TENM3: variants seen among roughly 807,000 people sequenced by gnomAD.
The protein encoded by TENM3 is teneurin-3.
TENM3 carries 63 observed loss-of-function variants against 255.1 expected under a neutral mutation model. The ratio of observed to expected loss-of-function variants is 0.25; its 90% CI spans 0.20 to 0.30. TENM3 has a LOEUF of 0.30. Among genes scored for constraint, TENM3 ranks in the 10% least tolerant of loss-of-function variants. The probability of loss-of-function intolerance (pLI) is 1.00; values close to 1 mark genes in which losing one functional copy is unlikely to be tolerated. For missense variants in TENM3, 2,929 were observed against 3,461.1 expected (o/e 0.85, Z 3.86); for synonymous variants, 1,306 against 1,322.3 (o/e 0.99, Z 0.27).
At chr4:182,763,353 C>T (rs2152771396) in intron 22 of TENM3, among the ~76,000 whole-genome samples, 2 of 152,236 alleles carry the variant, frequency 1.3e-5, no homozygotes, top group South Asian at 4.1e-4. Context: ...ATCACGACGT[C>T]AGGAGATCGA....
At chr4:181,756,966 G>A in the TENM3 span, among the ~76,000 whole-genome samples, 1 of 152,076 alleles carries the variant, frequency 6.6e-6, no homozygotes, top group African/African-American at 2.4e-5. Context: ...ATTTTGTGTT[G>A]GTGGCGATCA....
chr4:181,606,103 AT>A, the TENM3 span, among the ~76,000 whole-genome samples: 1 of 152,086 alleles, frequency 6.6e-6, no homozygotes, highest in Admixed American at 6.5e-5. Context: ...CTACCCTCAG[AT>A]TACATCCTAT....
chr4:182,241,718 A>C (rs1469955218), upstream of TENM3, among the ~76,000 whole-genome samples: 1 of 151,750 alleles, frequency 6.6e-6, no homozygotes, highest in Non-Finnish European at 1.5e-5. Context: ...CATGTTGGTC[A>C]GGCTGGTCTT....
chr4:182,009,360 GCCACC>G, the TENM3 span, among the ~76,000 whole-genome samples: 2 of 152,104 alleles, frequency 1.3e-5, no homozygotes, highest in Admixed American at 1.3e-4. Context: ...AGAGACTGCT[GCCACC>G]CCTCCCCCTA....
chr4:181,675,340 T>C, the TENM3 span, among the ~76,000 whole-genome samples: 1 of 152,154 alleles, frequency 6.6e-6, no homozygotes, highest in Admixed American at 6.6e-5. Context: ...TTCTAGGTAG[T>C]AATAAATATG....
chr4:182,463,472 C>CTT (rs920859225), intron 3 of TENM3, among the ~76,000 whole-genome samples: 3 of 145,506 alleles, frequency 2.1e-5, no homozygotes, highest in Non-Finnish European at 1.5e-5. Context: ...TGTAGTATCA[C>CTT]TTTTTTTTTT....
chr4:181,913,247 T>A, the TENM3 span, among the ~76,000 whole-genome samples: 1 of 152,124 alleles, frequency 6.6e-6, no homozygotes, highest in African/African-American at 2.4e-5. Context: ...CTGAATGATT[T>A]GAGATATAAA....
Position 182,608,521 on chromosome 4 carries a change from G to C in TENM3, c.749+7360G>C, listed in dbSNP as rs149421438. On this transcript the variant is annotated intron_variant, in intron 4 of 27. Transcript: ENST00000511685. The stretch of plus-strand genomic sequence containing the variant: ...CAAGGTGAAAAGTTACAGGTGTCAG[G>C]AGAGCTCACGTGCGCTGGGACAGTG... 3.7e-3 allele frequency among the ~76,000 whole-genome samples: 565 copies of C among 152,326 alleles called. 4 individuals carry two copies. Among genetic ancestry groups the C allele is most frequent in the African/African-American group, 0.013 (529 of 41,572 alleles).
the TENM3 span, among the ~76,000 whole-genome samples, chr4:181,733,893 C>T: frequency 1.3e-5 from 2 of 152,164 alleles, no homozygotes; most frequent in East Asian, 3.9e-4. Flanking sequence ...CCATTAAACA[C>T]TAATATGCTG....
intron 9 of TENM3, 96 bp downstream of exon 9, chr4:182,680,445 G>GC: frequency 7.1e-7 from 1 of 1,407,860 alleles, no homozygotes; most frequent in South Asian, 1.2e-5. Context: ...AAAGGGGGGG[G>GC]GAGACTGGCA....
chr4:181,528,958 A>C, the TENM3 span, among the ~76,000 whole-genome samples: 1 of 152,236 alleles, frequency 6.6e-6, no homozygotes, highest in African/African-American at 2.4e-5. Context: ...ATATATGTCT[A>C]TATTTAACAG....
intron 3 of TENM3, among the ~76,000 whole-genome samples, chr4:182,523,745 A>G (rs1411411930): frequency 2.0e-5 from 3 of 152,178 alleles, no homozygotes; most frequent in Non-Finnish European, 2.9e-5. Flanking sequence ...GATTTTCTAC[A>G]TATATATCAC....
the TENM3 span, among the ~76,000 whole-genome samples, chr4:181,686,574 A>G: frequency 6.6e-6 from 1 of 152,180 alleles, no homozygotes; most frequent in African/African-American, 2.4e-5. Context: ...GAAATTCACA[A>G]ATAAGTAAGA....
chr4:182,584,027 G>A (rs1417993333), intron 3 of TENM3, among the ~76,000 whole-genome samples: 1 of 152,148 alleles, frequency 6.6e-6, no homozygotes, highest in African/African-American at 2.4e-5. Flanking sequence ...AGTAATATAA[G>A]TTTTACTGCA....
chr4:181,906,949 G>A, the TENM3 span, among the ~76,000 whole-genome samples: 118 of 152,172 alleles, frequency 7.8e-4, 1 homozygote, highest in African/African-American at 2.7e-3. Context: ...CACAATCTTG[G>A]CTCACAGCAA....
At chr4:182,479,056 G>A (rs992815606) in intron 3 of TENM3, among the ~76,000 whole-genome samples, 1 of 151,840 alleles carries the variant, frequency 6.6e-6, no homozygotes, top group Admixed American at 6.6e-5. Flanking sequence ...GAAAATTGTA[G>A]TTGGAAACTA....
intron 1 of TENM3, among the ~76,000 whole-genome samples, chr4:182,215,833 TG>T (rs1256468568): frequency 6.6e-6 from 1 of 152,220 alleles, no homozygotes; most frequent in African/African-American, 2.4e-5. Context: ...GTTCCACTGA[TG>T]TCTCGATACC....
the TENM3 span, among the ~76,000 whole-genome samples, chr4:181,832,300 A>AT: frequency 3.3e-5 from 5 of 152,136 alleles, no homozygotes; most frequent in South Asian, 2.1e-4. Flanking sequence ...AATGTGGCCA[A>AT]TTTTTTTAAA....
intron 5 of TENM3, among the ~76,000 whole-genome samples, chr4:182,638,394 G>T (rs549736872): frequency 6.6e-6 from 1 of 152,044 alleles, no homozygotes; most frequent in Non-Finnish European, 1.5e-5. Flanking sequence ...GGAGATAAGC[G>T]TCATGTTGCC....
Sources: gnomAD v4.1 joint callset for allele counts (sites outside exome capture counted in the v4.1 genomes callset) on GRCh38, gnomAD v4.1.1 for gene constraint, MANE v1.5 for transcripts, NCBI Gene and HGNC (gene_info 2026-07-23, HGNC 2026-07-21) for gene names.